The following MGAT4C variants were observed in gnomAD, a reference collection of about 807,000 sequenced individuals.
The protein encoded by MGAT4C is MGAT4 family member C.
A neutral mutation model predicts 40.1 loss-of-function variants in MGAT4C; 19 were observed. That is an observed-to-expected ratio of 0.47 (90% confidence interval 0.33 to 0.70). MGAT4C has a LOEUF of 0.70. Ranked by LOEUF, MGAT4C falls within the 30% of genes least tolerant of loss-of-function variation. The probability of loss-of-function intolerance (pLI) is 0.02; values close to 1 mark genes in which losing one functional copy is unlikely to be tolerated. For synonymous variants in MGAT4C, 181 were observed against 187.1 expected, an observed-to-expected ratio of 0.97 and a Z score of 0.27; for missense variants, 491 against 563.2, an observed-to-expected ratio of 0.87 and a Z score of 1.30.
At chr12:86,421,297 T>C (rs1210818514) in intron 3 of MGAT4C, among the ~76,000 whole-genome samples, 1 of 152,200 alleles carries the variant, frequency 6.6e-6, no homozygotes, top group Admixed American at 6.5e-5. Flanking sequence ...GCTGGTAAAG[T>C]GACATTTAGA....
intron 1 of MGAT4C, among the ~76,000 whole-genome samples, chr12:86,100,113 T>A (rs1874701667): frequency 6.6e-6 from 1 of 151,464 alleles, no homozygotes; most frequent in South Asian, 2.1e-4. Context: ...TTTCACTTTA[T>A]TTCATGCATG....
At chr12:86,004,080 T>C (rs1887627936) in intron 2 of MGAT4C, among the ~76,000 whole-genome samples, 1 of 152,168 alleles carries the variant, frequency 6.6e-6, no homozygotes, top group African/African-American at 2.4e-5. Flanking sequence ...TTTGAACTGA[T>C]CTTGAAATTT....
chr12:86,621,177 G>A (rs1278360122), intron 2 of MGAT4C, among the ~76,000 whole-genome samples: 2 of 151,782 alleles, frequency 1.3e-5, no homozygotes, highest in Non-Finnish European at 1.5e-5. Context: ...TAAAAAAATA[G>A]TACACATTCA....
At chr12:86,602,203 G>A (rs997470924) in intron 2 of MGAT4C, among the ~76,000 whole-genome samples, 2 of 152,050 alleles carry the variant, frequency 1.3e-5, no homozygotes, top group East Asian at 1.9e-4. Context: ...CTGGTAGCAT[G>A]AGCCGAGCAC....
chr12:86,686,100 C>T (rs889268108), intron 2 of MGAT4C, among the ~76,000 whole-genome samples: 2 of 151,560 alleles, frequency 1.3e-5, no homozygotes, highest in African/African-American at 2.4e-5. Context: ...AGGATGGTCT[C>T]GATCTCCTGA....
At chr12:86,784,973 A>G (rs1951907704) in intron 1 of MGAT4C, among the ~76,000 whole-genome samples, 1 of 151,980 alleles carries the variant, frequency 6.6e-6, no homozygotes, top group African/African-American at 2.4e-5. Flanking sequence ...TTGGGATTAG[A>G]CAGATTTGGA....
At chr12:86,284,430 G>T (rs1437943968) in intron 4 of MGAT4C, among the ~76,000 whole-genome samples, 1 of 151,664 alleles carries the variant, frequency 6.6e-6, no homozygotes, top group Non-Finnish European at 1.5e-5. Context: ...TCTAGCCCAG[G>T]ATATAATTAT....
chr12:86,492,282 A>G (rs993818786), intron 2 of MGAT4C, among the ~76,000 whole-genome samples: 1 of 152,224 alleles, frequency 6.6e-6, no homozygotes, highest in Admixed American at 6.5e-5. Flanking sequence ...TCTTCACAGA[A>G]TTGGAAAAAA....
At chr12:86,502,203 G>A (rs1442779254) in intron 2 of MGAT4C, among the ~76,000 whole-genome samples, 4 of 151,920 alleles carry the variant, frequency 2.6e-5, no homozygotes, top group Admixed American at 2.6e-4. Flanking sequence ...AAAAGACTTG[G>A]GAAAACCTTA....
At chr12:86,492,727 A>G (rs1017455036) in intron 2 of MGAT4C, among the ~76,000 whole-genome samples, 4 of 152,196 alleles carry the variant, frequency 2.6e-5, no homozygotes, top group South Asian at 2.1e-4. Flanking sequence ...CATTCAGGAC[A>G]TAGGCATGGG....
intron 2 of MGAT4C, among the ~76,000 whole-genome samples, chr12:86,541,698 T>C (rs1213700242): frequency 6.6e-6 from 1 of 152,196 alleles, no homozygotes; most frequent in African/African-American, 2.4e-5. Flanking sequence ...CTAAAGCTAT[T>C]ACAAATGATA....
chr12:86,808,876 G>C (rs1411040883), intron 1 of MGAT4C, among the ~76,000 whole-genome samples: 1 of 151,966 alleles, frequency 6.6e-6, no homozygotes, highest in East Asian at 1.9e-4. Flanking sequence ...CCTATGTCTA[G>C]GAAACCTTGT....
intron 1 of MGAT4C, among the ~76,000 whole-genome samples, chr12:86,158,571 G>A (rs1266069452): frequency 1.3e-5 from 2 of 152,056 alleles, no homozygotes; most frequent in Admixed American, 6.6e-5. Context: ...AGAACCAGAT[G>A]CTGAAGGTCT....
At chr12:86,455,060 T>C (rs1357653114) in intron 2 of MGAT4C, among the ~76,000 whole-genome samples, 1 of 152,176 alleles carries the variant, frequency 6.6e-6, no homozygotes, top group African/African-American at 2.4e-5. Context: ...CTTGCATTGA[T>C]TGTGAATCCT....
At chr12:86,049,292 CTGTG>C (rs1470991773) in intron 2 of MGAT4C, among the ~76,000 whole-genome samples, 1 of 151,606 alleles carries the variant, frequency 6.6e-6, no homozygotes, top group Non-Finnish European at 1.5e-5. Context: ...ACCATCCTCT[CTGTG>C]TGTGCGCCTG....
intron 1 of MGAT4C, among the ~76,000 whole-genome samples, chr12:86,779,560 A>C (rs1951801787): frequency 2.0e-5 from 3 of 151,850 alleles, no homozygotes; most frequent in African/African-American, 7.3e-5. Context: ...CATGATGGCG[A>C]CACTGCACTA....
intron 2 of MGAT4C, among the ~76,000 whole-genome samples, chr12:86,603,534 G>T (rs1318671029): frequency 5.7e-4 from 2 of 3,480 alleles, no homozygotes; most frequent in Admixed American, 9.1e-3. Flanking sequence ...ACTATATATA[G>T]TCTATAGACT....
Position 86,352,857 on chromosome 12 carries a change from G to A in MGAT4C, c.-119-18730C>T, listed in dbSNP as rs183415882. ...ACAGGAAGGGGAACATCACACTCCG[G>A]GGTCTGTTGTTGGGTGGGGGAAGGG... On this transcript the variant is annotated intron_variant, in intron 3 of 7. Coordinates refer to the MGAT4C transcript ENST00000548651. Among the ~76,000 whole-genome samples the A allele has an allele frequency of 4.7e-4, 71 of 149,820 alleles. 1 individual carries two copies. The highest frequency in any genetic ancestry group is 9.7e-4 in the Non-Finnish European group (65 of 67,090).
chr12:86,650,008 G>C (rs1238062274), intron 2 of MGAT4C, among the ~76,000 whole-genome samples: 1 of 151,790 alleles, frequency 6.6e-6, no homozygotes, highest in East Asian at 1.9e-4. Flanking sequence ...AAAAAGTCAA[G>C]GTTTGCTAAA....
Sources: gnomAD v4.1 joint callset for allele counts (sites outside exome capture counted in the v4.1 genomes callset) on GRCh38, gnomAD v4.1.1 for gene constraint, MANE v1.5 for transcripts, NCBI Gene and HGNC (gene_info 2026-07-23, HGNC 2026-07-21) for gene names.